TFPT: variants seen among roughly 807,000 people sequenced by gnomAD.
TFPT encodes INO80 complex subunit F.
In TFPT, 27 loss-of-function variants were observed where a neutral mutation model predicts 28.8. The ratio of observed to expected loss-of-function variants is 0.94; its 90% CI spans 0.69 to 1.29. The LOEUF is 1.29. Among genes scored for constraint, TFPT ranks in the 50% most tolerant of loss-of-function variants. The pLI, the probability that TFPT is intolerant of heterozygous loss-of-function variation, is 0.00. For missense variants in TFPT, 330 were observed against 338.0 expected (o/e 0.98, Z 0.19); for synonymous variants, 152 against 142.8 (o/e 1.06, Z -0.46).
At chr19:54,112,819 G>A (rs975689732) in intron 2 of TFPT, among the ~76,000 whole-genome samples, 29 of 152,060 alleles carry the variant, frequency 1.9e-4, no homozygotes, top group Admixed American at 3.3e-4. Context: ...AAGGCCAGGC[G>A]TGGTGGCTCA....
chr19:54,113,380 A>G (rs1338328805), intron 2 of TFPT, among the ~76,000 whole-genome samples: 3 of 152,172 alleles, frequency 2.0e-5, no homozygotes, highest in African/African-American at 7.2e-5. Flanking sequence ...AGAAACCTCC[A>G]GAAGCCAGGG....
At chr19:54,107,902 C>T in intron 5 of TFPT, 124 bp downstream of exon 5, 2 of 1,062,618 alleles carry the variant, frequency 1.9e-6, no homozygotes, top group Non-Finnish European at 2.6e-6. Flanking sequence ...AGAACCAAAA[C>T]CCAAGAGCCC....
chr19:54,113,722 C>CA (rs1232104945), intron 2 of TFPT, among the ~76,000 whole-genome samples: 1 of 152,216 alleles, frequency 6.6e-6, no homozygotes, highest in African/African-American at 2.4e-5. Context: ...GACGGAGTCT[C>CA]ACTCTGTCAC....
chr19:54,107,635 T>G (rs2146346256), intron 5 of TFPT: 2 of 287,844 alleles, frequency 6.9e-6, no homozygotes, highest in South Asian at 2.0e-4. Flanking sequence ...CCAGATGTTC[T>G]TCCAGCTTTC....
At chr19:54,108,674 A>G in intron 3 of TFPT, 2 of 1,317,668 alleles carry the variant, frequency 1.5e-6, no homozygotes, top group South Asian at 3.0e-5. Context: ...AAGTAGTGAC[A>G]CCAGACGATT....
chr19:54,113,787 G>A (rs1280741058), intron 2 of TFPT, among the ~76,000 whole-genome samples: 1 of 152,206 alleles, frequency 6.6e-6, no homozygotes, highest in Non-Finnish European at 1.5e-5. Flanking sequence ...CGCCTTCCGG[G>A]TTCAAGCAAT....
At position 54,110,267 on chromosome 19, in the gene TFPT, G is replaced by A. The variant is rs756472618; in HGVS notation, c.283-146C>T. ...GGTCCTTCCACCTTCCCATCCCTCCGGCTCCCCTCTCACCATGCCACAGTC... is the reference window on the plus strand; with the variant it reads ...GGTCCTTCCACCTTCCCATCCCTCCAGCTCCCCTCTCACCATGCCACAGTC... On this transcript the variant is annotated intron_variant, in intron 2 of 5. Coordinates refer to ENST00000391759, the MANE Select transcript of TFPT (RefSeq NM_013342.4). 238 of 800,214 alleles carry A rather than the reference G, an allele frequency of 3.0e-4. 1 individual carries two copies. Among genetic ancestry groups the A allele is most frequent in the Non-Finnish European group, 4.3e-4 (209 of 482,712 alleles). 49.6% of individuals were successfully genotyped at this position (800,214 alleles called of 1,614,324 possible). A position where few individuals can be genotyped will look rare whatever the true frequency, so the allele number is the denominator to read the frequency against.
At chr19:54,110,465 G>A (rs1242102055) in intron 2 of TFPT, among the ~76,000 whole-genome samples, 2 of 152,156 alleles carry the variant, frequency 1.3e-5, no homozygotes, top group Non-Finnish European at 2.9e-5. Flanking sequence ...GGTGGCTCAC[G>A]CCTGTAATCC....
At chr19:54,113,611 G>GA (rs34113824) in intron 2 of TFPT, among the ~76,000 whole-genome samples, 14 of 151,070 alleles carry the variant, frequency 9.3e-5, no homozygotes, top group African/African-American at 3.2e-4. Context: ...CACTCTCAAG[G>GA]AAAAAAAAAT....
intron 2 of TFPT, 110 bp downstream of exon 2, chr19:54,114,332 T>A: frequency 6.8e-7 from 1 of 1,478,058 alleles, no homozygotes; most frequent in African/African-American, 1.4e-5. Context: ...GCTAAATGAC[T>A]GAATATATCA....
rs756944228 is a variant in TFPT, at chr19:54,114,708, G to A, written c.24-8C>T. The A allele has an allele frequency of 3.7e-6, 6 of 1,609,210 alleles. No individual in the cohort carries two copies. Among genetic ancestry groups the A allele is most frequent in the Admixed American group, 3.3e-5 (2 of 59,790 alleles). ...CCCACGGCTGCCATGGTCCTGAGAG[G>A]CAGGGAAAGGCTCAGGGGCCCTGGA... On this transcript the variant is annotated splice_polypyrimidine_tract_variant and splice_region_variant and intron_variant, in intron 1 of 5. Transcript: ENST00000391759.
In TFPT at chr19:54,114,551, C is replaced by G; in HGVS notation, c.173G>C (p.Arg58Pro). ...VSGGLGGSGL[R>P]ERDEEEEAAR... ...TGCCTCTTCCTCTTCATCTCGCTCC[C>G]GGAGCCCTGAGCCGCCCAGACCACC... The change falls in exon 2 of 6, where the codon CGG becomes CCG. Residue 58 changes from arginine to proline, a missense_variant. Transcript: ENST00000391759. 2 of 1,614,064 alleles carry G rather than the reference C, an allele frequency of 1.2e-6. No individual in the cohort carries two copies. Among genetic ancestry groups the G allele is most frequent in the Non-Finnish European group, 1.7e-6 (2 of 1,180,006 alleles).
In TFPT at chr19:54,108,595, T is replaced by C. The variant is rs758504774; in HGVS notation, c.354-200A>G. 1.1e-3 allele frequency: 1,755 copies of C among 1,553,990 alleles called. 2 individuals carry two copies. The highest frequency in any genetic ancestry group is 1.4e-3 in the Non-Finnish European group (1,643 of 1,148,154). On this transcript the variant is annotated intron_variant, in intron 3 of 5. Transcript: ENST00000391759. ...ACCTCGAGCAAGACAAGGCAACCAT[T>C]CTGAGGCTGAGTTTCCTGCTCTGCA...
At chr19:54,114,037 C>T (rs1280107041) in intron 2 of TFPT, among the ~76,000 whole-genome samples, 2 of 152,168 alleles carry the variant, frequency 1.3e-5, no homozygotes, top group Non-Finnish European at 1.5e-5. Flanking sequence ...TCAGCCCAGA[C>T]AGCTGGAGTT....
intron 2 of TFPT, among the ~76,000 whole-genome samples, chr19:54,113,688 CATTG>C (rs1236086782): frequency 2.6e-5 from 4 of 152,254 alleles, no homozygotes; most frequent in African/African-American, 9.6e-5. Flanking sequence ...GTTTAATCCT[CATTG>C]ATTGATTGAT....
At chr19:54,113,288 G>A (rs1041168001) in intron 2 of TFPT, among the ~76,000 whole-genome samples, 1 of 151,838 alleles carries the variant, frequency 6.6e-6, no homozygotes, top group African/African-American at 2.4e-5. Context: ...GGTAAATTGG[G>A]ACACAGACAC....
rs181479402 is a variant in TFPT at position 54,110,036 on chromosome 19, C to T, written c.353+15G>A. On this transcript the variant is annotated intron_variant, in intron 3 of 5. Transcript: ENST00000391759. Reference sequence around the variant, plus strand: ...CTGAGGCTCACAGGCCCAGAGGGGACAGAGAAGGGGTTACCTCCGTTCCTG... The same window carrying T: ...CTGAGGCTCACAGGCCCAGAGGGGATAGAGAAGGGGTTACCTCCGTTCCTG... 1.7e-5 allele frequency: 27 copies of T among 1,613,746 alleles called. No homozygotes were observed. In the East Asian group the frequency reaches 4.7e-4, roughly 28 times the overall value.
chr19:54,112,634 C>A (rs1486913727), intron 2 of TFPT, among the ~76,000 whole-genome samples: 1 of 151,554 alleles, frequency 6.6e-6, no homozygotes. Flanking sequence ...ACAAAAAGTA[C>A]AAAAATTAGC....
chr19:54,108,738 T>A (rs2073358090), intron 3 of TFPT: 3 of 838,754 alleles, frequency 3.6e-6, no homozygotes, highest in Non-Finnish European at 5.4e-6. Context: ...TGAGTTATAA[T>A]TTTTATTGAT....
Sources: gnomAD v4.1 joint callset for allele counts (sites outside exome capture counted in the v4.1 genomes callset) on GRCh38, gnomAD v4.1.1 for gene constraint, MANE v1.5 for transcripts, NCBI Gene and HGNC (gene_info 2026-07-23, HGNC 2026-07-21) for gene names.